DENND3: variants seen among roughly 807,000 people sequenced by gnomAD.
DENND3 encodes DENN domain-containing protein 3.
A neutral mutation model predicts 135.1 loss-of-function variants in DENND3; 88 were observed. The ratio of observed to expected loss-of-function variants is 0.65; its 90% CI spans 0.55 to 0.78. The LOEUF is 0.78. Ranked by LOEUF, DENND3 falls within the 30% of genes least tolerant of loss-of-function variation. DENND3 has a pLI of 0.00. For missense variants in DENND3, 1,392 were observed against 1,688.4 expected (o/e 0.82, Z 3.08); for synonymous variants, 693 against 712.3 (o/e 0.97, Z 0.43).
chr8:141,143,748 G>A (rs1817736264), intron 4 of DENND3, among the ~76,000 whole-genome samples: 1 of 152,080 alleles, frequency 6.6e-6, no homozygotes, highest in African/African-American at 2.4e-5. Flanking sequence ...AAAAGTCAGA[G>A]TCCATTTTGG....
Position 141,154,041 on chromosome 8 carries a change from C to T in DENND3, c.1075-1808C>T, listed in dbSNP as rs188243408. ...ACCAAACACTTGTGTCTCCCAAAGA[C>T]GCTGGGCGTTAACACATCCACGGGA... On this transcript the variant is annotated intron_variant, in intron 7 of 22. Coordinates refer to ENST00000519811, the MANE Select transcript of DENND3 (RefSeq NM_001352890.3). The surrounding 1 kb of genome is among the most constrained non-coding windows in gnomAD (Gnocchi z 4.4). Among the ~76,000 whole-genome samples, 16 of 152,314 alleles carry T rather than the reference C, an allele frequency of 1.1e-4. No individual in the cohort carries two copies. The highest frequency in any genetic ancestry group is 2.2e-4 in the Non-Finnish European group (15 of 68,026).
Position 141,187,259 on chromosome 8 carries a change from ATTT to A in DENND3, c.3085-1716_3085-1714del, listed in dbSNP as rs34600380. On this transcript the variant is annotated intron_variant, in intron 18 of 22. Coordinates refer to ENST00000519811, the MANE Select transcript of DENND3 (RefSeq NM_001352890.3). Reference sequence around the variant, plus strand: ...TATATATTAGGCATTGGCTGGTACCATTTTTTTTTTTTTGACAGGGTCCCTCTC... The same window carrying A: ...TATATATTAGGCATTGGCTGGTACCATTTTTTTTTTGACAGGGTCCCTCTC... Among the ~76,000 whole-genome samples the A allele has an allele frequency of 4.1e-3, 588 of 144,442 alleles. 5 individuals are homozygous for A. In the Middle Eastern group the frequency reaches 0.071, roughly 17 times the overall value. 94.8% of individuals were successfully genotyped at this position (144,442 alleles called of 152,430 possible).
intron 13 of DENND3, among the ~76,000 whole-genome samples, chr8:141,169,946 C>T (rs1433234191): frequency 6.6e-6 from 1 of 152,206 alleles, no homozygotes; most frequent in Non-Finnish European, 1.5e-5. Flanking sequence ...ATGTGTGGGT[C>T]AGTTCCTCTG....
chr8:141,173,275 A>G (rs994609687), intron 13 of DENND3, among the ~76,000 whole-genome samples: 3 of 152,246 alleles, frequency 2.0e-5, no homozygotes, highest in African/African-American at 7.2e-5. Flanking sequence ...CACTAGGCCT[A>G]CAGAGACCCT....
intron 8 of DENND3, among the ~76,000 whole-genome samples, chr8:141,157,104 G>A (rs370370952): frequency 2.0e-5 from 3 of 152,026 alleles, no homozygotes; most frequent in Non-Finnish European, 2.9e-5. Flanking sequence ...TTTTCACACC[G>A]TTTTATAGTT....
chr8:141,194,394 ACG>A lies in DENND3; in HGVS notation c.*163_*164del. 1 of 791,212 alleles carries A rather than the reference ACG, an allele frequency of 1.3e-6. No individual in the cohort carries two copies. The allele number at this position is 791,212 out of a possible 1,614,324, so 49.0% of individuals were successfully genotyped here. On this transcript the variant is annotated 3_prime_UTR_variant, in exon 23 of 23. Transcript: ENST00000519811. ...GTGGCCAGCCGCGAGACCCATGGCC[ACG>A]CACCTTCTCTCAGGCCTTCGGGCCC...
intron 8 of DENND3, among the ~76,000 whole-genome samples, chr8:141,156,917 G>T (rs191423181): frequency 2.1e-3 from 320 of 149,120 alleles, no homozygotes; most frequent in African/African-American, 6.5e-3. Flanking sequence ...TCAGCCTCCC[G>T]AGTAGCTGGG....
At chr8:141,169,542 C>T (rs1821240159) in intron 13 of DENND3, among the ~76,000 whole-genome samples, 1 of 152,228 alleles carries the variant, frequency 6.6e-6, no homozygotes, top group Admixed American at 6.5e-5. Flanking sequence ...CAGACTAACA[C>T]CTGCTGCGTT....
At chr8:141,185,969 G>T (rs765939586) in intron 18 of DENND3, among the ~76,000 whole-genome samples, 7 of 151,402 alleles carry the variant, frequency 4.6e-5, no homozygotes, top group Non-Finnish European at 7.4e-5. Flanking sequence ...TTGAGACAGG[G>T]TCTTGCTCTG....
Position 141,141,250 on chromosome 8 carries a change from C to A in DENND3, c.549C>A (p.Gly183=), listed in dbSNP as rs372243609. The A allele has an allele frequency of 1.9e-6, 3 of 1,614,136 alleles. No individual in the cohort carries two copies. The highest frequency in any genetic ancestry group is 2.7e-5 in the African/African-American group (2 of 74,946). Residue 183 remains glycine, a synonymous_variant, in exon 4 of 23, where the codon GGC becomes GGA. Transcript: ENST00000519811. The surrounding 1 kb of genome is among the most constrained non-coding windows in gnomAD (Gnocchi z 5.3). The part of the protein sequence containing the change: ...YNGKTHRECP[G]CFVPFAVCVV... Reference sequence around the variant, plus strand: ...GCAAAACGCACCGGGAGTGTCCTGGCTGCTTCGTGCCCTTCGCGGTGTGCG... The same window carrying A: ...GCAAAACGCACCGGGAGTGTCCTGGATGCTTCGTGCCCTTCGCGGTGTGCG...
At chr8:141,145,806 TATATATATATATATATATATATATATA>T (rs1817963953) in intron 5 of DENND3, among the ~76,000 whole-genome samples, 1 of 7,506 alleles carries the variant, frequency 1.3e-4, no homozygotes, top group South Asian at 4.0e-3. Context: ...TTGAATATTA[TATATATATATATATATATATATATATA>T]TATATATATA....
chr8:141,142,595 C>T (rs1359759559), intron 4 of DENND3: 14 of 330,438 alleles, frequency 4.2e-5, no homozygotes, highest in Non-Finnish European at 6.5e-5. Context: ...CATAAAATAT[C>T]GTTGAGAACA....
rs531198735 is a variant in DENND3, at chr8:141,151,741, C to T, written c.978C>T (p.Phe326=). 4.3e-6 allele frequency: 7 copies of T among 1,614,192 alleles called. No homozygotes were observed. The highest frequency in any genetic ancestry group is 3.3e-5 in the South Asian group (3 of 91,076). The change falls in exon 7 of 23, where the codon TTC becomes TTT. Residue 326 remains phenylalanine (F), a synonymous_variant. Transcript: ENST00000519811. ...ATCCGCTGCAGTGGCAGCACCCCTT[C>T]GTGCCCATCCTGTCGGACCAGATGC... ...YLYPLQWQHP[F]VPILSDQMLD... is the part of the protein sequence containing the mutation.
chr8:141,162,200 C>T (rs1195010404), intron 9 of DENND3, among the ~76,000 whole-genome samples: 2 of 152,204 alleles, frequency 1.3e-5, no homozygotes, highest in South Asian at 2.1e-4. Context: ...GATATTATCT[C>T]TGCTCAAAGA....
intron 15 of DENND3, 112 bp downstream of exon 15, chr8:141,176,873 T>C: frequency 8.3e-7 from 1 of 1,210,898 alleles, no homozygotes; most frequent in South Asian, 1.4e-5. Context: ...CGGGTCTGAG[T>C]GTCTTAAGCA....
At position 141,167,335 on chromosome 8, in the gene DENND3, C is replaced by T. The variant is rs1165810087; in HGVS notation, c.1754-669C>T. Among the ~76,000 whole-genome samples the T allele has an allele frequency of 5.3e-5, 8 of 152,204 alleles. No individual in the cohort carries two copies. Among genetic ancestry groups the T allele is most frequent in the East Asian group, 1.9e-4 (1 of 5,198 alleles). ...GCCCACTCACCCTGGGAGCATGCTCCGCTTTCCCTGCCCTCGGAACCTTCC... is the reference window on the plus strand; with the variant it reads ...GCCCACTCACCCTGGGAGCATGCTCTGCTTTCCCTGCCCTCGGAACCTTCC... On this transcript the variant is annotated intron_variant, in intron 12 of 22. Coordinates refer to ENST00000519811, the MANE Select transcript of DENND3 (RefSeq NM_001352890.3). This position sits in a 1 kb window ranked among gnomAD's most constrained non-coding sequence, Gnocchi z 4.1.
intron 13 of DENND3, among the ~76,000 whole-genome samples, chr8:141,173,338 G>C (rs772063551): frequency 3.9e-5 from 6 of 152,152 alleles, no homozygotes; most frequent in Non-Finnish European, 8.8e-5. Context: ...AAATACCGAC[G>C]GGCCAAAAGA....
Position 141,138,279 on chromosome 8 carries a change from A to G in DENND3, c.501+142A>G. ...TTAAGTACATTCACAGCATTGTGCA[A>G]CCACCACCAATGTCTAGGTCCAAAA... On this transcript the variant is annotated intron_variant, in intron 3 of 22. Coordinates refer to ENST00000519811, the MANE Select transcript of DENND3 (RefSeq NM_001352890.3). The surrounding 1 kb of genome is among the most constrained non-coding windows in gnomAD (Gnocchi z 4.8). 2.2e-6 allele frequency: 2 copies of G among 889,932 alleles called. No individual in the cohort carries two copies. The highest frequency in any genetic ancestry group is 3.4e-6 in the Non-Finnish European group (2 of 581,576). 55.1% of individuals were successfully genotyped at this position (889,932 alleles called of 1,614,324 possible).
At chr8:141,157,270 T>A (rs955351437) in intron 8 of DENND3, 6 of 981,936 alleles carry the variant, frequency 6.1e-6, no homozygotes, top group Non-Finnish European at 6.0e-6. Context: ...CAGGGGAGGG[T>A]GAGAGGAGGT....
Sources: allele counts gnomAD v4.1 joint callset (sites outside exome capture counted in the v4.1 genomes callset), GRCh38; gene constraint gnomAD v4.1.1; non-coding constraint Gnocchi (gnomAD v3.1); transcripts MANE v1.5; gene names NCBI Gene and HGNC (gene_info 2026-07-23, HGNC 2026-07-21).